The following ERI1 variants were observed in gnomAD, a reference collection of about 807,000 sequenced individuals.
ERI1 encodes 3'-5' exoribonuclease 1.
A neutral mutation model predicts 39.7 loss-of-function variants in ERI1; 39 were observed. The observed-to-expected ratio is 0.98, with a 90% CI of 0.76 to 1.28. ERI1 has a LOEUF of 1.28. ERI1 is among the 50% of genes most tolerant of loss of function. The pLI is 0.00. For synonymous variants in ERI1, 204 were observed against 149.6 expected (o/e 1.36, Z -2.65); for missense variants, 581 against 416.9 (o/e 1.39, Z -3.43).
chr8:9,030,385 G>A lies in ERI1; in HGVS notation c.*351G>A. On this transcript the variant is annotated 3_prime_UTR_variant, in exon 7 of 7. Coordinates refer to ENST00000250263, the MANE Select transcript of ERI1 (RefSeq NM_153332.4). ...TCATATCTTACTGGTGTTTAAATAT[G>A]TAATGTGTTTCTTTATTAACATCAC... is the stretch of plus-strand genomic sequence containing the variant. 1 of 205,800 alleles carries A rather than the reference G, an allele frequency of 4.9e-6. No homozygotes were observed. Among genetic ancestry groups the A allele is most frequent in the East Asian group, 1.0e-4 (1 of 9,844 alleles). 12.7% of individuals were successfully genotyped at this position (205,800 alleles called of 1,614,324 possible).
At chr8:9,018,495 CTAT>C (rs1817537262) in intron 5 of ERI1, 89 bp downstream of exon 5, 2 of 747,616 alleles carry the variant, frequency 2.7e-6, no homozygotes, top group Middle Eastern at 3.9e-4. Context: ...TAACCACAAA[CTAT>C]TATTAGAGAC....
At chr8:9,068,649 T>G (rs1423200590) in intron 3 of ERI1, among the ~76,000 whole-genome samples, 2 of 152,120 alleles carry the variant, frequency 1.3e-5, no homozygotes, top group Non-Finnish European at 2.9e-5. Context: ...CTTCCTAGGA[T>G]GCATTGTGTC....
At chr8:9,022,321 T>A (rs940114950) in intron 6 of ERI1, among the ~76,000 whole-genome samples, 4 of 152,236 alleles carry the variant, frequency 2.6e-5, no homozygotes, top group African/African-American at 9.6e-5. Flanking sequence ...CTGTGTATTT[T>A]ACTGGTCTAT....
chr8:9,070,951 G>A (rs1310959938), intron 3 of ERI1, among the ~76,000 whole-genome samples: 2 of 152,110 alleles, frequency 1.3e-5, no homozygotes, highest in South Asian at 2.1e-4. Flanking sequence ...ACTTACAAGG[G>A]CACCCATGGC....
chr8:9,006,563 A>G (rs1317218424), intron 1 of ERI1, among the ~76,000 whole-genome samples: 1 of 152,254 alleles, frequency 6.6e-6, no homozygotes, highest in African/African-American at 2.4e-5. Flanking sequence ...TTTCAAATTC[A>G]ATGTAAATTT....
Position 9,032,396 on chromosome 8 carries a change from A to G in ERI1, c.*2362A>G, listed in dbSNP as rs565368323. 9.8e-5 allele frequency: 15 copies of G among 152,326 alleles called. No homozygotes were observed. Among genetic ancestry groups the G allele is most frequent in the African/African-American group, 1.9e-4 (8 of 41,574 alleles). 9.4% of individuals were successfully genotyped at this position (152,326 alleles called of 1,614,324 possible). On this transcript the variant is annotated 3_prime_UTR_variant, in exon 7 of 7. Transcript: ENST00000250263. ...TCTGCTGATTTTTTTCAAATCCGCAATCTTTATAACCAACTGAAGTATATA... is the reference window on the plus strand; with the variant it reads ...TCTGCTGATTTTTTTCAAATCCGCAGTCTTTATAACCAACTGAAGTATATA...
chr8:9,031,509 A>T lies in ERI1; in HGVS notation c.*1475A>T, dbSNP rs1380304037. On this transcript the variant is annotated 3_prime_UTR_variant, in exon 7 of 7. Transcript: ENST00000250263. ...TTATACAGTTAACTCTTAGGATAAG[A>T]GGGATGTATGCTGAGATGTTTGTGC... 6.6e-6 allele frequency: 1 copy of T among 152,222 alleles called. No homozygotes were observed. Among genetic ancestry groups the T allele is most frequent in the Non-Finnish European group, 1.5e-5 (1 of 68,026 alleles). 9.4% of individuals were successfully genotyped at this position (152,222 alleles called of 1,614,324 possible). A position where few individuals can be genotyped will look rare whatever the true frequency, so the allele number is the denominator to read the frequency against.
chr8:9,016,618 G>C (rs1312735093), intron 4 of ERI1, among the ~76,000 whole-genome samples: 1 of 151,208 alleles, frequency 6.6e-6, no homozygotes, highest in Non-Finnish European at 1.5e-5. Flanking sequence ...AGGAGTTGTA[G>C]TGGTGAATCG....
intron 3 of ERI1, among the ~76,000 whole-genome samples, chr8:9,055,570 G>T (rs1247296603): frequency 6.6e-6 from 1 of 152,084 alleles, no homozygotes; most frequent in Non-Finnish European, 1.5e-5. Flanking sequence ...GTAATATTTT[G>T]TTGTTGTCGC....
chr8:9,080,112 G>A (rs112168728), intron 3 of ERI1, among the ~76,000 whole-genome samples: 3 of 152,148 alleles, frequency 2.0e-5, no homozygotes, highest in African/African-American at 7.2e-5. Flanking sequence ...AGGCTATAGG[G>A]TGTGGTTATA....
chr8:9,048,499 C>A (rs1344299758), intron 3 of ERI1: 1 of 154,370 alleles, frequency 6.5e-6, no homozygotes, highest in Non-Finnish European at 1.5e-5. Flanking sequence ...TCCTCCATCT[C>A]CCCCAGGGCC....
At chr8:9,086,143 G>T (rs1404662161) in intron 3 of ERI1, among the ~76,000 whole-genome samples, 1 of 152,188 alleles carries the variant, frequency 6.6e-6, no homozygotes, top group Non-Finnish European at 1.5e-5. Context: ...GCCAGGTGTG[G>T]TGGCTCACAC....
chr8:9,087,935 A>C (rs1799582155), intron 3 of ERI1, among the ~76,000 whole-genome samples: 1 of 152,210 alleles, frequency 6.6e-6, no homozygotes, highest in Admixed American at 6.5e-5. Flanking sequence ...TTTCAGTACA[A>C]ATAAGGAAAA....
chr8:9,074,380 C>G (rs1373266938), intron 3 of ERI1, among the ~76,000 whole-genome samples: 1 of 152,046 alleles, frequency 6.6e-6, no homozygotes, highest in African/African-American at 2.4e-5. Flanking sequence ...CCTCCTCAGC[C>G]TCCCAAAATG....
intron 4 of ERI1, 77 bp from the exon 5 acceptor site, chr8:9,018,220 A>T: frequency 2.7e-6 from 2 of 740,700 alleles, no homozygotes; most frequent in Middle Eastern, 4.9e-4. Context: ...TTCCCCTCCA[A>T]CTTAGGTCTG....
intron 3 of ERI1, among the ~76,000 whole-genome samples, chr8:9,042,340 C>A (rs1798052339): frequency 1.3e-5 from 2 of 152,270 alleles, no homozygotes; most frequent in South Asian, 4.1e-4. Flanking sequence ...AAATCTATTG[C>A]CCTGATCTCT....
chr8:9,034,016 G>A (rs1365524060), downstream of ERI1, among the ~76,000 whole-genome samples: 1 of 152,248 alleles, frequency 6.6e-6, no homozygotes, highest in South Asian at 2.1e-4. Flanking sequence ...GGGATAAGTG[G>A]AGAAGGAGAA....
Position 9,049,449 on chromosome 8 carries a change from G to A in ERI1, n.299+28985G>A, listed in dbSNP as rs371432342. ...GGATAGCATCTGACAGGGTTGCTGA[G>A]GTTGGGGTGAAGGGAGTGCGGGGAG... On this transcript the variant is annotated intron_variant and non_coding_transcript_variant, in intron 3 of 3. Transcript: ENST00000518663. 1.3e-5 allele frequency among the ~76,000 whole-genome samples: 2 copies of A among 151,506 alleles called. 1 individual carries two copies. The highest frequency in any genetic ancestry group is 4.2e-4 in the South Asian group (2 of 4,794).
rs115201661 is a variant in ERI1 at position 9,051,901 on chromosome 8, G to A, written n.299+31437G>A. On this transcript the variant is annotated intron_variant and non_coding_transcript_variant, in intron 3 of 3. Coordinates refer to the ERI1 transcript ENST00000518663. ...AACTTCAGACTGTAGCTGCAGAGTCGTTTTGTAGCCATCCTTAGAGAGTGA... is the reference window on the plus strand; with the variant it reads ...AACTTCAGACTGTAGCTGCAGAGTCATTTTGTAGCCATCCTTAGAGAGTGA... Among the ~76,000 whole-genome samples the A allele has an allele frequency of 6.8e-3, 1,040 of 152,288 alleles. 12 individuals are homozygous for A. The highest frequency in any genetic ancestry group is 0.023 in the African/African-American group (970 of 41,556).
Sources: gnomAD v4.1 joint callset for allele counts (sites outside exome capture counted in the v4.1 genomes callset) on GRCh38, gnomAD v4.1.1 for gene constraint, MANE v1.5 for transcripts, NCBI Gene and HGNC (gene_info 2026-07-23, HGNC 2026-07-21) for gene names.